The following ZNF7 variants were observed in gnomAD, a reference collection of about 807,000 sequenced individuals.
The protein encoded by ZNF7 is C2-H2 type zinc finger protein.
In ZNF7, 10 loss-of-function variants were observed where a neutral mutation model predicts 12.0. That is an observed-to-expected ratio of 0.83 (90% CI 0.51 to 1.42). The LOEUF is 1.42. ZNF7 is among the 40% of genes most tolerant of loss of function. The pLI is 0.00. For missense variants in ZNF7, 854 were observed against 837.2 expected (o/e 1.02, Z -0.25); for synonymous variants, 334 against 295.0 (o/e 1.13, Z -1.35).
chr8:144,843,085 A>G lies in ZNF7; in HGVS notation c.1978A>G (p.Lys660Glu). The G allele has an allele frequency of 1.2e-6, 2 of 1,613,214 alleles. No homozygotes were observed. The highest frequency in any genetic ancestry group is 1.7e-6 in the Non-Finnish European group (2 of 1,179,770). ...IIHQRIHTGEKPYKCNDCGKA... is the reference protein window; with the variant it reads ...IIHQRIHTGEEPYKCNDCGKA... ...ACACCAGAGAATTCACACCGGGGAG[A>G]AGCCTTATAAATGCAATGACTGTGG... The change falls in exon 5 of 5, where the codon AAG becomes GAG. Residue 660 changes from lysine to glutamate, a missense_variant. Physicochemically the swap from Lys to Glu is moderately conservative, Grantham distance 56. Transcript: ENST00000532777.
Position 144,841,738 on chromosome 8 carries a change from AT to A in ZNF7, c.632del (p.Ile211ThrfsTer79). 6.2e-7 allele frequency: 1 copy of A among 1,614,178 alleles called. No individual in the cohort carries two copies. The highest frequency in any genetic ancestry group is 8.5e-7 in the Non-Finnish European group (1 of 1,180,038). On this transcript the variant is annotated frameshift_variant, in exon 5 of 5. Transcript: ENST00000532777. LOFTEE classifies it low-confidence loss of function (END_TRUNC). ...CGKGIRATSD[I>X]ALHWEINTQK... The stretch of plus-strand genomic sequence containing the variant: ...CAAAGGCATCAGAGCCACTTCAGAT[AT>A]CGCTCTGCATTGGGAAATTAATACA...
At chr8:144,837,612 G>A in intron 4 of ZNF7, 105 bp downstream of exon 4, 1 of 755,282 alleles carries the variant, frequency 1.3e-6, no homozygotes. Flanking sequence ...GGCTACACTG[G>A]GATGCCTGGG....
At chr8:144,838,159 A>C (rs184168612) in intron 4 of ZNF7, 5 of 702,204 alleles carry the variant, frequency 7.1e-6, no homozygotes, top group African/African-American at 1.7e-5. Context: ...TGCGTCCCTC[A>C]CTCTGATCTC....
At chr8:144,838,286 T>C (rs1386518908) in intron 4 of ZNF7, 3 of 592,228 alleles carry the variant, frequency 5.1e-6, no homozygotes, top group East Asian at 2.8e-5. Context: ...TGGTGACTAA[T>C]TAATCTGCAA....
chr8:144,829,195 C>G (rs1828145492), intron 2 of ZNF7, 105 bp downstream of exon 2: 1 of 1,584,540 alleles, frequency 6.3e-7, no homozygotes, highest in Admixed American at 1.8e-5. Flanking sequence ...CCTTGCTGGG[C>G]TTAGGAAGGC....
At chr8:144,846,247 CT>C, downstream of ZNF7, 1 of 1,455,218 alleles carries the variant, frequency 6.9e-7, no homozygotes, top group Non-Finnish European at 9.2e-7. Context: ...CAAAAAGGGG[CT>C]GGGGTGCAAG....
chr8:144,844,706 T>TATC (rs1830398617), downstream of ZNF7, among the ~76,000 whole-genome samples: 1 of 88,852 alleles, frequency 1.1e-5, no homozygotes, highest in African/African-American at 5.6e-5. Context: ...TGTGACTCTG[T>TATC]ATCAAAAAAA....
chr8:144,827,742 C>T (rs1474462551), intron 1 of ZNF7, 133 bp downstream of exon 1: 1 of 944,980 alleles, frequency 1.1e-6, no homozygotes, highest in East Asian at 1.2e-4. Context: ...AGCGCGGGGG[C>T]TTTGCGGGGC....
At position 144,841,531 on chromosome 8, in the gene ZNF7, A is replaced by G; in HGVS notation, c.424A>G (p.Lys142Glu). 6.2e-7 allele frequency: 1 copy of G among 1,614,188 alleles called. No individual in the cohort carries two copies. The highest frequency in any genetic ancestry group is 8.5e-7 in the Non-Finnish European group (1 of 1,180,052). The part of the protein sequence containing the change: ...LDSHLGSPGL[K>E]VTGFTFQNNC... ...CAGTCATCTGGGCAGTCCCGGGCTG[A>G]AAGTGACAGGCTTTACCTTCCAAAA... The change falls in exon 5 of 5, where the codon AAA (lysine) becomes GAA (glutamate). Residue 142 changes from lysine (K) to glutamate (E), a missense_variant. Lys to Glu is a moderately conservative substitution (Grantham distance 56). Coordinates refer to ENST00000532777, the MANE Select transcript of ZNF7 (RefSeq NM_003416.4).
intron 3 of ZNF7, among the ~76,000 whole-genome samples, chr8:144,831,687 G>GT (rs1563826644): frequency 3.9e-4 from 39 of 100,486 alleles, no homozygotes; most frequent in Middle Eastern, 5.3e-3. Context: ...GGAGGCTGAG[G>GT]CACGAGAATC....
At chr8:144,828,872 C>G in intron 1 of ZNF7, 171 bp from the exon 2 acceptor site, 1 of 750,066 alleles carries the variant, frequency 1.3e-6, no homozygotes, top group East Asian at 2.7e-5. Flanking sequence ...AACAAGAGTT[C>G]AGTGGGCCTC....
chr8:144,838,032 C>A, intron 4 of ZNF7: 1 of 697,780 alleles, frequency 1.4e-6, no homozygotes, highest in Non-Finnish European at 2.6e-6. Context: ...AATCTGAAAC[C>A]GGGGGGTCAG....
intron 4 of ZNF7, chr8:144,841,064 G>T: frequency 2.7e-6 from 1 of 374,008 alleles, no homozygotes; most frequent in South Asian, 4.3e-5. Context: ...GCCTCTGCAT[G>T]GACTGTGCCC....
chr8:144,845,930 C>A, downstream of ZNF7: 1 of 1,516,306 alleles, frequency 6.6e-7, no homozygotes, highest in South Asian at 1.2e-5. Flanking sequence ...GCCAGGTGGT[C>A]ACCTTCAGGT....
chr8:144,832,341 T>G (rs1166259140), intron 3 of ZNF7, among the ~76,000 whole-genome samples: 4 of 99,064 alleles, frequency 4.0e-5, no homozygotes, highest in African/African-American at 1.2e-4. Context: ...GAGAATTGCT[T>G]GAACCTGGGA....
rs549963232 is a variant in ZNF7 at position 144,843,460 on chromosome 8, C to T, written c.*292C>T. Reference sequence around the variant, plus strand: ...AAATTTAGCTGGGCGTGGTGGCAGGCACCTGTGGTCCCAGCTGCTCGGGAG... The same window carrying T: ...AAATTTAGCTGGGCGTGGTGGCAGGTACCTGTGGTCCCAGCTGCTCGGGAG... On this transcript the variant is annotated 3_prime_UTR_variant, in exon 5 of 5. Transcript: ENST00000532777. 68 of 238,708 alleles carry T rather than the reference C, an allele frequency of 2.8e-4. No individual in the cohort carries two copies. Among genetic ancestry groups the T allele is most frequent in the Middle Eastern group, 1.4e-3 (1 of 710 alleles). 14.8% of individuals were successfully genotyped at this position (238,708 alleles called of 1,614,324 possible).
intron 4 of ZNF7, among the ~76,000 whole-genome samples, chr8:144,840,599 A>G (rs1459583692): frequency 6.6e-6 from 1 of 152,190 alleles, no homozygotes; most frequent in East Asian, 1.9e-4. Context: ...CTCTAGGGTT[A>G]CAGAGTAGGA....
rs1204025112 is a variant in ZNF7 at position 144,829,564 on chromosome 8, G to A, written c.90G>A (p.Arg30=). ...CLDPGQRALY[R]EVMLENHSSV... ...ACCCTGGCCAGAGGGCCCTCTACAG[G>A]GAAGTGATGCTGGAGAACCACAGCA... The change falls in exon 3 of 5, where the codon AGG becomes AGA. Residue 30 remains arginine, a synonymous_variant. Transcript: ENST00000532777. The A allele has an allele frequency of 6.2e-7, 1 of 1,613,756 alleles. No homozygotes were observed. The highest frequency in any genetic ancestry group is 2.2e-5 in the East Asian group (1 of 44,888).
chr8:144,844,306 C>T (rs572160895), downstream of ZNF7, among the ~76,000 whole-genome samples: 1 of 152,328 alleles, frequency 6.6e-6, no homozygotes, highest in South Asian at 2.1e-4. Context: ...TCCAGCACAC[C>T]CGTGTGCGCA....
Sources: allele counts gnomAD v4.1 joint callset (sites outside exome capture counted in the v4.1 genomes callset), GRCh38; gene constraint gnomAD v4.1.1; transcripts MANE v1.5; gene names NCBI Gene and HGNC (gene_info 2026-07-23, HGNC 2026-07-21).